Variants in COL13A1 observed in about 807,000 individuals in gnomAD.
The protein encoded by COL13A1 is collagen type XIII alpha 1 chain, also known as collagen alpha-1(XIII) chain.
A neutral mutation model predicts 130.9 loss-of-function variants in COL13A1; 89 were observed. That is an observed-to-expected ratio of 0.68 (90% CI 0.57 to 0.81). The LOEUF is 0.81. Among genes scored for constraint, COL13A1 ranks in the 30% least tolerant of loss-of-function variants. The pLI is 0.00. For synonymous variants in COL13A1, 402 were observed against 341.6 expected, an observed-to-expected ratio of 1.18 and a Z score of -1.95; for missense variants, 879 against 934.6, an observed-to-expected ratio of 0.94 and a Z score of 0.78.
Position 69,887,440 on chromosome 10 carries a change from GTT to G in COL13A1, c.514-5_514-4del, listed in dbSNP as rs35268667. ...CCTTGCTCAATCTCATGTGTCTCTT[GTT>G]TTTTTTTTTTCAGGGTCAACCAGGA... is the stretch of plus-strand genomic sequence containing the variant. On this transcript the variant is annotated splice_polypyrimidine_tract_variant and intron_variant, in intron 7 of 40. Coordinates refer to ENST00000645393, the MANE Select transcript of COL13A1 (RefSeq NM_001368882.1). 3.2e-5 allele frequency: 47 copies of G among 1,469,218 alleles called. No homozygotes were observed. The highest frequency in any genetic ancestry group is 1.8e-4 in the Middle Eastern group (1 of 5,644). 91.0% of individuals were successfully genotyped at this position (1,469,218 alleles called of 1,614,324 possible). A position where few individuals can be genotyped will look rare whatever the true frequency, so the allele number is the denominator to read the frequency against.
At chr10:69,957,473 T>C (rs1202298034) in intron 40 of COL13A1, among the ~76,000 whole-genome samples, 1 of 152,198 alleles carries the variant, frequency 6.6e-6, no homozygotes, top group Non-Finnish European at 1.5e-5. Context: ...CTAGGGGCTG[T>C]GCTCCTCACC....
chr10:69,902,703 A>C (rs1326475418), intron 14 of COL13A1, 45 bp from the exon 15 acceptor site: 2 of 1,494,218 alleles, frequency 1.3e-6, no homozygotes, highest in Non-Finnish European at 9.0e-7. Flanking sequence ...GACGGTCTGC[A>C]GCTCTGGGGG....
rs767226643 is a variant in COL13A1, at chr10:69,927,092, C to T, written c.1404C>T (p.Ile468=). 16 of 1,613,770 alleles carry T rather than the reference C, an allele frequency of 9.9e-6. No homozygotes were observed. In the South Asian group the frequency reaches 1.4e-4, roughly 14 times the overall value. Residue 468 remains isoleucine, a synonymous_variant, in exon 27 of 41, where the codon ATC becomes ATT. Coordinates refer to ENST00000645393, the MANE Select transcript of COL13A1 (RefSeq NM_001368882.1). ...NGNINEALQE[I]RTLALMGPPG... is the part of the protein sequence containing the mutation. ...GCCTGGTGTTGGTTTTTTAGGAGAT[C>T]CGGACGCTGGCCTTGATGGTAAGTT...
chr10:69,952,706 T>TG (rs1202097840), intron 38 of COL13A1, among the ~76,000 whole-genome samples, 176 bp from the exon 39 acceptor site: 1 of 152,134 alleles, frequency 6.6e-6, no homozygotes, highest in Non-Finnish European at 1.5e-5. Flanking sequence ...CTCAGGTTCC[T>TG]GGGGGGTGGG....
At chr10:69,946,520 G>T (rs976068661) in intron 37 of COL13A1, among the ~76,000 whole-genome samples, 1 of 152,238 alleles carries the variant, frequency 6.6e-6, no homozygotes, top group Non-Finnish European at 1.5e-5. Context: ...GGCTGTGTGT[G>T]TTGGCCAGGT....
intron 2 of COL13A1, among the ~76,000 whole-genome samples, chr10:69,866,399 C>T (rs1447832158): frequency 6.6e-6 from 1 of 152,246 alleles, no homozygotes; most frequent in Non-Finnish European, 1.5e-5. Context: ...AAAATTGCCA[C>T]AGGCTGAATT....
intron 22 of COL13A1, 134 bp downstream of exon 22, chr10:69,922,069 C>A: frequency 3.4e-6 from 4 of 1,179,314 alleles, no homozygotes; most frequent in Non-Finnish European, 4.7e-6. Context: ...TGGAACACAG[C>A]CAGATTCTGT....
At position 69,822,438 on chromosome 10, in the gene COL13A1, G is replaced by A; in HGVS notation, c.364G>A (p.Gly122Arg). The stretch of plus-strand genomic sequence containing the variant: ...ATCTCCAGGATGTAACTGCCCACCA[G>A]GTAAGCAGCCCTGCAAATAGGTGAC... ...KTSPGCNCPP[G>R]PPGPTGRPGL... Residue 122 changes from glycine to arginine, a missense_variant and splice_region_variant, in exon 2 of 41, where the codon GGA becomes AGA. Transcript: ENST00000645393. 1 of 1,588,036 alleles carries A rather than the reference G, an allele frequency of 6.3e-7. No homozygotes were observed. Among genetic ancestry groups the A allele is most frequent in the Non-Finnish European group, 8.6e-7 (1 of 1,167,546 alleles).
chr10:69,907,341 G>A (rs2062864758), intron 17 of COL13A1, among the ~76,000 whole-genome samples: 1 of 152,140 alleles, frequency 6.6e-6, no homozygotes, highest in African/African-American at 2.4e-5. Context: ...GAATACCACA[G>A]ACTGGGTCAT....
intron 3 of COL13A1, among the ~76,000 whole-genome samples, chr10:69,868,704 G>C (rs1164104631): frequency 6.6e-6 from 1 of 152,136 alleles, no homozygotes; most frequent in Admixed American, 6.5e-5. Flanking sequence ...GGAGCCGCCT[G>C]CTTCATTTTT....
chr10:69,870,953 C>T (rs1325904232), intron 3 of COL13A1, among the ~76,000 whole-genome samples: 1 of 152,078 alleles, frequency 6.6e-6, no homozygotes, highest in East Asian at 1.9e-4. Context: ...ATAAGTTTCC[C>T]TCATGTGTCC....
At chr10:69,812,174 T>G (rs1407422715) in intron 1 of COL13A1, among the ~76,000 whole-genome samples, 1 of 152,260 alleles carries the variant, frequency 6.6e-6, no homozygotes, top group African/African-American at 2.4e-5. Flanking sequence ...GTGACCCATA[T>G]GGCCTTCAGG....
intron 39 of COL13A1, among the ~76,000 whole-genome samples, chr10:69,954,700 C>T (rs1056106538): frequency 2.0e-5 from 3 of 152,182 alleles, no homozygotes; most frequent in African/African-American, 4.8e-5. Context: ...ATTAGGTTTT[C>T]GGATCCTAAA....
intron 31 of COL13A1, among the ~76,000 whole-genome samples, chr10:69,933,784 G>T (rs969162840): frequency 6.6e-6 from 1 of 152,014 alleles, no homozygotes; most frequent in African/African-American, 2.4e-5. Flanking sequence ...AAGAAGGAAA[G>T]GATTAAATAA....
intron 3 of COL13A1, among the ~76,000 whole-genome samples, chr10:69,870,185 AT>A (rs142980589): frequency 0.23 from 34,371 of 151,818 alleles, 3,996 homozygotes; most frequent in Middle Eastern, 0.29. Context: ...GTATATATAT[AT>A]TTTTTTTACT....
intron 17 of COL13A1, among the ~76,000 whole-genome samples, chr10:69,908,439 A>G (rs758562606): frequency 1.2e-4 from 18 of 152,200 alleles, no homozygotes; most frequent in South Asian, 4.1e-4. Context: ...TCAGTTTTTC[A>G]TTAGCAGCAG....
chr10:69,867,942 T>C, intron 3 of COL13A1, 137 bp downstream of exon 3: 1 of 644,976 alleles, frequency 1.6e-6, no homozygotes, highest in Non-Finnish European at 2.8e-6. Context: ...GAGGGGTCCC[T>C]CCAGAATGCC....
At chr10:69,836,590 C>T (rs940986204) in intron 2 of COL13A1, among the ~76,000 whole-genome samples, 8 of 152,216 alleles carry the variant, frequency 5.3e-5, no homozygotes, top group African/African-American at 9.6e-5. Context: ...CTTCCTCCCA[C>T]CCCTCCAGCC....
Sources: gnomAD v4.1 joint callset for allele counts (sites outside exome capture counted in the v4.1 genomes callset) on GRCh38, gnomAD v4.1.1 for gene constraint, MANE v1.5 for transcripts, NCBI Gene and HGNC (gene_info 2026-07-23, HGNC 2026-07-21) for gene names.